The following ATP4A variants were observed in gnomAD, a reference collection of about 807,000 sequenced individuals.
ATP4A encodes ATPase H+/K+ transporting subunit alpha.
ATP4A carries 73 observed loss-of-function variants against 112.1 expected under a neutral mutation model. The ratio of observed to expected loss-of-function variants is 0.65; its 90% CI spans 0.54 to 0.79. The LOEUF is 0.79. Among genes scored for constraint, ATP4A ranks in the 30% least tolerant of loss-of-function variants. The pLI is 0.00. For synonymous variants in ATP4A, 588 were observed against 588.9 expected (o/e 1.00, Z 0.02); for missense variants, 1,081 against 1,425.9 (o/e 0.76, Z 3.90).
intron 16 of ATP4A, 22 bp from the exon 17 acceptor site, chr19:35,553,851 T>G: frequency 6.4e-7 from 1 of 1,554,734 alleles, no homozygotes; most frequent in Non-Finnish European, 8.7e-7. Context: ...TGGAAGGAAC[T>G]GGGACTGAGG....
chr19:35,556,245 C>T (rs547746777), intron 12 of ATP4A, among the ~76,000 whole-genome samples: 4 of 152,046 alleles, frequency 2.6e-5, no homozygotes, highest in Admixed American at 2.0e-4. Context: ...CCCGAACTGT[C>T]GGAGGAACAG....
chr19:35,553,942 C>T, intron 16 of ATP4A, 113 bp from the exon 17 acceptor site: 1 of 1,411,512 alleles, frequency 7.1e-7, no homozygotes, highest in Non-Finnish European at 9.4e-7. Flanking sequence ...GGTTAGCAGG[C>T]AGGACCTGCA....
At position 35,550,344 on chromosome 19, in the gene ATP4A, AGCCCCACCGCCACCACAG is replaced by A; in HGVS notation, c.*253_*270del. Reference sequence around the variant, plus strand: ...AGCGGTCAGCTGTACTCCCTGTCAGAGCCCCACCGCCACCACAGGTGGCGGCTTTCCCGAGGCCAGCCC... The same window carrying A: ...AGCGGTCAGCTGTACTCCCTGTCAGAGTGGCGGCTTTCCCGAGGCCAGCCC... On this transcript the variant is annotated 3_prime_UTR_variant, in exon 22 of 22. Transcript: ENST00000262623. The surrounding 1 kb of genome is among the most constrained non-coding windows in gnomAD (Gnocchi z 4.1). 1.9e-6 allele frequency: 1 copy of A among 532,708 alleles called. No homozygotes were observed. The highest frequency in any genetic ancestry group is 3.4e-6 in the Non-Finnish European group (1 of 297,128). The allele number at this position is 532,708 out of a possible 1,614,324, so 33.0% of individuals were successfully genotyped here.
rs1224970065 is a variant in ATP4A, at chr19:35,555,381, C to G, written c.2158-47G>C. 2 of 1,593,774 alleles carry G rather than the reference C, an allele frequency of 1.3e-6. No individual in the cohort carries two copies. ...GGTGGGTGGGTGGTCAGTGAGAGGCCGGTCCAAGACCAGCCCCGCCTGTCT... is the reference window on the plus strand; with the variant it reads ...GGTGGGTGGGTGGTCAGTGAGAGGCGGGTCCAAGACCAGCCCCGCCTGTCT... On this transcript the variant is annotated intron_variant, in intron 14 of 21. Transcript: ENST00000262623. The surrounding 1 kb of genome is among the most constrained non-coding windows in gnomAD (Gnocchi z 6.6).
intron 18 of ATP4A, among the ~76,000 whole-genome samples, chr19:35,552,493 A>G (rs2071607385): frequency 6.6e-6 from 1 of 152,208 alleles, no homozygotes; most frequent in African/African-American, 2.4e-5. Context: ...TCCACTTTGC[A>G]GGTGAGAAAA....
At position 35,558,382 on chromosome 19, in the gene ATP4A, T is replaced by C. The variant is rs770551121; in HGVS notation, c.1480A>G (p.Asn494Asp). Residue 494 changes from asparagine to aspartate, a missense_variant, in exon 10 of 22, where the codon AAC (asparagine) becomes GAC (aspartate). This residue lies in a region of ATP4A where 850 missense variants were observed against 1,068.2 expected (regional missense o/e 0.80). Coordinates refer to ENST00000262623, the MANE Select transcript of ATP4A (RefSeq NM_000704.3). The surrounding 1 kb of genome is among the most constrained non-coding windows in gnomAD (Gnocchi z 5.1). The part of the protein sequence containing the change: ...RFPKVCEIPF[N>D]STNKFQLSIH... ...CGCACCTGGAACTTGTTGGTGGAGT[T>C]GAAGGGTATCTCGCAGACTTTTGGG... 25 of 1,611,464 alleles carry C rather than the reference T, an allele frequency of 1.6e-5. No individual in the cohort carries two copies. The highest frequency in any genetic ancestry group is 2.1e-5 in the Non-Finnish European group (25 of 1,179,068).
Position 35,553,807 on chromosome 19 carries a change from T to C in ATP4A, c.2504A>G (p.Tyr835Cys). 1 of 1,589,074 alleles carries C rather than the reference T, an allele frequency of 6.3e-7. No individual in the cohort carries two copies. Among genetic ancestry groups the C allele is most frequent in the Non-Finnish European group, 8.6e-7 (1 of 1,167,608 alleles). The change falls in exon 17 of 22, where the codon TAT (tyrosine) becomes TGT (cysteine). Residue 835 changes from tyrosine (Y) to cysteine (C), a missense_variant. By Grantham distance (194) the Tyr-to-Cys change is radical. Around this residue, in one of 3 missense-constraint regions of ATP4A, gnomAD observed 219 missense variants for 320.9 expected, o/e 0.68. Coordinates refer to ENST00000262623, the MANE Select transcript of ATP4A (RefSeq NM_000704.3). ...TDIFPSVSLA[Y>C]EKAESDIMHL... ...CATGATGTCACTCTCGGCCTTTTCATATGCCAGGGACACAGATGGGAACTG... is the reference window on the plus strand; with the variant it reads ...CATGATGTCACTCTCGGCCTTTTCACATGCCAGGGACACAGATGGGAACTG...
chr19:35,554,010 G>A (rs2071616762), intron 16 of ATP4A, among the ~76,000 whole-genome samples, 181 bp from the exon 17 acceptor site: 1 of 152,192 alleles, frequency 6.6e-6, no homozygotes, highest in South Asian at 2.1e-4. Context: ...CCTGGGTGTT[G>A]GCATCCTGGT....
intron 17 of ATP4A, 105 bp downstream of exon 17, chr19:35,553,601 C>T: frequency 1.3e-6 from 2 of 1,483,570 alleles, no homozygotes; most frequent in South Asian, 1.3e-5. Flanking sequence ...CAAATGCAGA[C>T]ACTGAGGTCC....
chr19:35,559,794 C>T lies in ATP4A; in HGVS notation c.1056+11G>A. 1.2e-6 allele frequency: 2 copies of T among 1,612,450 alleles called. No homozygotes were observed. The highest frequency in any genetic ancestry group is 1.7e-6 in the Non-Finnish European group (2 of 1,178,816). On this transcript the variant is annotated intron_variant, in intron 7 of 21. Transcript: ENST00000262623. This position sits in a 1 kb window ranked among gnomAD's most constrained non-coding sequence, Gnocchi z 4.1. The stretch of plus-strand genomic sequence containing the variant: ...CCTCAGCTCCCTGCATCCCCGCCTG[C>T]CCCCACTCACTGTGACAGTGGCCAG...
At position 35,553,824 on chromosome 19, in the gene ATP4A, T is replaced by A. The variant is rs1408172656; in HGVS notation, c.2487A>T (p.Pro829=). Residue 829 remains proline (P), a synonymous_variant, in exon 17 of 22, where the codon CCA becomes CCT. Transcript: ENST00000262623. ...CCTTTTCATATGCCAGGGACACAGATGGGAACTGGCCAGGAGTGGAAGGAA... is the reference window on the plus strand; with the variant it reads ...CCTTTTCATATGCCAGGGACACAGAAGGGAACTGGCCAGGAGTGGAAGGAA... ...LFIELCTDIF[P]SVSLAYEKAE... 6.3e-7 allele frequency: 1 copy of A among 1,574,868 alleles called. No individual in the cohort carries two copies. The highest frequency in any genetic ancestry group is 8.6e-7 in the Non-Finnish European group (1 of 1,159,776).
rs749529261 is a variant in ATP4A at position 35,560,496 on chromosome 19, C to T, written c.654G>A (p.Ala218=). ...DRVPADIRIL[A]AQGCKVDNSS... ...AGTTGTCCACCTTGCAGCCCTGGGC[C>T]GCCAGGATGCGGATGTCGGCGGGCA... The change falls in exon 6 of 22, where the codon GCG becomes GCA. Residue 218 remains alanine, a synonymous_variant. Coordinates refer to ENST00000262623, the MANE Select transcript of ATP4A (RefSeq NM_000704.3). The surrounding 1 kb of genome is among the most constrained non-coding windows in gnomAD (Gnocchi z 5.1). 6.2e-6 allele frequency: 10 copies of T among 1,613,494 alleles called. No individual in the cohort carries two copies. Among genetic ancestry groups the T allele is most frequent in the Non-Finnish European group, 8.5e-6 (10 of 1,180,024 alleles).
At chr19:35,563,320 C>T (rs751821088) in intron 2 of ATP4A, 52 bp from the exon 3 acceptor site, 1 of 1,613,388 alleles carries the variant, frequency 6.2e-7, no homozygotes, top group South Asian at 1.1e-5. Flanking sequence ...CTGGCCCCCT[C>T]CCCGCCCACT....
Position 35,557,571 on chromosome 19 carries a change from C to T in ATP4A, c.1693+84G>A. ...GCCAGCAGCCAGGGATGAGGACGGTCAGGGCTGGGCCGGGAGTGGTGGGCA... is the reference window on the plus strand; with the variant it reads ...GCCAGCAGCCAGGGATGAGGACGGTTAGGGCTGGGCCGGGAGTGGTGGGCA... On this transcript the variant is annotated intron_variant, in intron 11 of 21. Coordinates refer to ENST00000262623, the MANE Select transcript of ATP4A (RefSeq NM_000704.3). The surrounding 1 kb of genome is among the most constrained non-coding windows in gnomAD (Gnocchi z 4.4). The T allele has an allele frequency of 1.4e-6, 2 of 1,460,484 alleles. No homozygotes were observed. 90.5% of individuals were successfully genotyped at this position (1,460,484 alleles called of 1,614,324 possible). A position where few individuals can be genotyped will look rare whatever the true frequency, so the allele number is the denominator to read the frequency against.
rs769990049 is a variant in ATP4A at position 35,560,497 on chromosome 19, G to T, written c.653C>A (p.Ala218Glu). 4.3e-6 allele frequency: 7 copies of T among 1,613,378 alleles called. No individual in the cohort carries two copies. Among genetic ancestry groups the T allele is most frequent in the African/African-American group, 2.7e-5 (2 of 74,920 alleles). The change falls in exon 6 of 22, where the codon GCG (alanine) becomes GAG (glutamate). Residue 218 changes from alanine (A) to glutamate (E), a missense_variant. Physicochemically the swap from Ala to Glu is moderately radical, Grantham distance 107. Around this residue, in one of 3 missense-constraint regions of ATP4A, gnomAD observed 850 missense variants for 1,068.2 expected, o/e 0.80. Coordinates refer to ENST00000262623, the MANE Select transcript of ATP4A (RefSeq NM_000704.3). This position sits in a 1 kb window ranked among gnomAD's most constrained non-coding sequence, Gnocchi z 5.1. ...DRVPADIRIL[A>E]AQGCKVDNSS... ...GTTGTCCACCTTGCAGCCCTGGGCC[G>T]CCAGGATGCGGATGTCGGCGGGCAC...
At position 35,550,396 on chromosome 19, in the gene ATP4A, G is replaced by T; in HGVS notation, c.*219C>A. The T allele has an allele frequency of 3.2e-6, 2 of 619,838 alleles. No individual in the cohort carries two copies. Among genetic ancestry groups the T allele is most frequent in the Non-Finnish European group, 5.6e-6 (2 of 359,598 alleles). The allele number at this position is 619,838 out of a possible 1,614,324, so 38.4% of individuals were successfully genotyped here. A position where few individuals can be genotyped will look rare whatever the true frequency, so the allele number is the denominator to read the frequency against. On this transcript the variant is annotated 3_prime_UTR_variant, in exon 22 of 22. Transcript: ENST00000262623. This position sits in a 1 kb window ranked among gnomAD's most constrained non-coding sequence, Gnocchi z 4.1. Reference sequence around the variant, plus strand: ...TTTCCCGAGGCCAGCCCAGAGGACTGCCCAGGCGCTGCTGCTCCAGGAGGT... The same window carrying T: ...TTTCCCGAGGCCAGCCCAGAGGACTTCCCAGGCGCTGCTGCTCCAGGAGGT...
rs201056106 is a variant in ATP4A, at chr19:35,563,506, C to T, written c.34G>A (p.Val12Met). The change falls in exon 2 of 22, where the codon GTG (valine) becomes ATG (methionine). Residue 12 changes from valine to methionine, a missense_variant. Physicochemically the swap from Val to Met is conservative, Grantham distance 21. Coordinates refer to ENST00000262623, the MANE Select transcript of ATP4A (RefSeq NM_000704.3). ...CCGCCAGGGCCAGGACCCAGCTCCACCGAGTAGAGCTCATAGTTCTCCTGG... is the reference window on the plus strand; with the variant it reads ...CCGCCAGGGCCAGGACCCAGCTCCATCGAGTAGAGCTCATAGTTCTCCTGG... The part of the protein sequence containing the change: ...GKAENYELYS[V>M]ELGPGPGGDM... 4.1e-5 allele frequency: 66 copies of T among 1,614,090 alleles called. No homozygotes were observed. The Admixed American group carries it at 7.3e-4, about 18-fold the overall frequency.
At position 35,563,462 on chromosome 19, in the gene ATP4A, C is replaced by T. The variant is rs748468684; in HGVS notation, c.78G>A (p.Met26Ile). The change falls in exon 2 of 22, where the codon ATG becomes ATA. Residue 26 changes from methionine to isoleucine, a missense_variant. This residue lies in a region of ATP4A where 850 missense variants were observed against 1,068.2 expected (regional missense o/e 0.80). Transcript: ENST00000262623. ...CGCCACCCGCCTTCTTCTTCTTGCT[C>T]ATCTTGGCAGCCATGTCCCCGCCAG... ...PGPGGDMAAK[M>I]SKKKKAGGGG... 9 of 1,614,038 alleles carry T rather than the reference C, an allele frequency of 5.6e-6. No individual in the cohort carries two copies. Among genetic ancestry groups the T allele is most frequent in the African/African-American group, 1.3e-5 (1 of 75,004 alleles).
rs762350274 is a variant in ATP4A, at chr19:35,562,435, A to G, written c.420T>C (p.Asn140=). ...ASEGDLTTDD[N]LYLAIALIAV... ...AGCCTGTCCCCACAACATGGCTCAC[A>G]TTGTCGTCGGTGGTGAGGTCCCCCT... Residue 140 remains asparagine, a splice_region_variant and synonymous_variant, in exon 4 of 22, where the codon AAT becomes AAC. Coordinates refer to ENST00000262623, the MANE Select transcript of ATP4A (RefSeq NM_000704.3). 6.2e-7 allele frequency: 1 copy of G among 1,612,712 alleles called. No individual in the cohort carries two copies. Among genetic ancestry groups the G allele is most frequent in the Non-Finnish European group, 8.5e-7 (1 of 1,179,440 alleles).
Sources: gnomAD v4.1 joint callset for allele counts (sites outside exome capture counted in the v4.1 genomes callset) on GRCh38, gnomAD v4.1.1 for gene constraint, gnomAD v4.1.1 regional missense constraint, Gnocchi (gnomAD v3.1) non-coding constraint, MANE v1.5 for transcripts, NCBI Gene and HGNC (gene_info 2026-07-23, HGNC 2026-07-21) for gene names.